Variants in MARCHF1 observed in about 807,000 individuals in gnomAD.
MARCHF1 encodes the protein E3 ubiquitin-protein ligase MARCHF1.
A neutral mutation model predicts 54.2 loss-of-function variants in MARCHF1; 40 were observed. The ratio of observed to expected loss-of-function variants is 0.74; its 90% CI spans 0.57 to 0.96. The LOEUF is 0.96. Among genes scored for constraint, MARCHF1 ranks in the 40% least tolerant of loss-of-function variants. The probability of loss-of-function intolerance (pLI) is 0.00; values close to 1 mark genes in which losing one functional copy is unlikely to be tolerated. For missense variants in MARCHF1, 586 were observed against 656.5 expected, an observed-to-expected ratio of 0.89 and a Z score of 1.17; for synonymous variants, 236 against 236.3, an observed-to-expected ratio of 1.00 and a Z score of 0.01.
intron 1 of MARCHF1, among the ~76,000 whole-genome samples, chr4:164,337,120 G>C (rs759106545): frequency 1.3e-5 from 2 of 152,120 alleles, no homozygotes; most frequent in African/African-American, 2.4e-5. Context: ...TGGAGTACTT[G>C]ATACTGAATA....
At chr4:164,086,933 T>G (rs1010270944) in intron 2 of MARCHF1, among the ~76,000 whole-genome samples, 4 of 152,078 alleles carry the variant, frequency 2.6e-5, no homozygotes, top group Non-Finnish European at 5.9e-5. Flanking sequence ...AAAACTAACC[T>G]TAAAAACACC....
At chr4:164,273,364 G>A (rs1733790571) in intron 1 of MARCHF1, among the ~76,000 whole-genome samples, 1 of 152,140 alleles carries the variant, frequency 6.6e-6, no homozygotes, top group African/African-American at 2.4e-5. Context: ...CTGCCCCCAT[G>A]ATTCAATTAC....
intron 1 of MARCHF1, among the ~76,000 whole-genome samples, chr4:164,266,760 A>G (rs1733621203): frequency 6.6e-6 from 1 of 152,188 alleles, no homozygotes; most frequent in Non-Finnish European, 1.5e-5. Context: ...AATCTTGAGA[A>G]TGTTTTTTGA....
intron 1 of MARCHF1, among the ~76,000 whole-genome samples, chr4:164,368,014 A>G (rs1730926305): frequency 6.7e-6 from 1 of 149,984 alleles, no homozygotes; most frequent in Admixed American, 6.7e-5. Flanking sequence ...AAAAATGTTA[A>G]TGAGCTAAGA....
chr4:164,339,315 A>C (rs1729848193), intron 1 of MARCHF1, among the ~76,000 whole-genome samples: 1 of 152,222 alleles, frequency 6.6e-6, no homozygotes, highest in African/African-American at 2.4e-5. Context: ...AAGACAGATA[A>C]TATATGTTGG....
chr4:164,077,803 G>C (rs555591543), intron 2 of MARCHF1, among the ~76,000 whole-genome samples: 28 of 152,330 alleles, frequency 1.8e-4, no homozygotes, highest in Non-Finnish European at 3.5e-4. Context: ...CTGGTCATTA[G>C]AGAAATGCAA....
At chr4:164,335,618 C>T (rs1195363800) in intron 1 of MARCHF1, among the ~76,000 whole-genome samples, 3 of 151,844 alleles carry the variant, frequency 2.0e-5, no homozygotes, top group South Asian at 2.1e-4. Context: ...GCTTCAGCCA[C>T]TCCAACTTTC....
intron 3 of MARCHF1, among the ~76,000 whole-genome samples, chr4:163,930,140 G>A (rs1751639043): frequency 6.7e-6 from 1 of 150,326 alleles, no homozygotes; most frequent in Non-Finnish European, 1.5e-5. Context: ...AATTTAACAT[G>A]GGGTATTTTT....
chr4:163,920,799 C>T (rs1751413490), intron 3 of MARCHF1, among the ~76,000 whole-genome samples: 2 of 152,030 alleles, frequency 1.3e-5, no homozygotes, highest in African/African-American at 2.4e-5. Flanking sequence ...AATCTTTTTG[C>T]TAAAATAAAT....
intron 3 of MARCHF1, among the ~76,000 whole-genome samples, chr4:163,883,228 T>C (rs1750455278): frequency 7.6e-6 from 1 of 132,386 alleles, no homozygotes; most frequent in Non-Finnish European, 1.6e-5. Context: ...GATATATATA[T>C]ATGTGTATAT....
At chr4:163,955,447 A>T (rs1228062467) in intron 3 of MARCHF1, among the ~76,000 whole-genome samples, 1 of 150,966 alleles carries the variant, frequency 6.6e-6, no homozygotes, top group Non-Finnish European at 1.5e-5. Context: ...CAGAACACAC[A>T]GGCTTTCAGA....
intron 1 of MARCHF1, among the ~76,000 whole-genome samples, chr4:164,198,066 G>T (rs1050516892): frequency 7.2e-5 from 11 of 152,084 alleles, no homozygotes; most frequent in Non-Finnish European, 1.5e-4. Context: ...TTAGAGACCT[G>T]ACACGGGATA....
intron 1 of MARCHF1, among the ~76,000 whole-genome samples, chr4:164,172,583 A>G (rs1730555142): frequency 6.6e-6 from 1 of 152,222 alleles, no homozygotes; most frequent in Non-Finnish European, 1.5e-5. Context: ...AAGGATAAAA[A>G]TCAAGGTAAA....
At chr4:163,733,846 C>T (rs1745953484) in intron 4 of MARCHF1, among the ~76,000 whole-genome samples, 1 of 152,038 alleles carries the variant, frequency 6.6e-6, no homozygotes, top group Non-Finnish European at 1.5e-5. Context: ...AAGAACTGAT[C>T]TTCAAATGAC....
At chr4:163,754,384 G>A (rs959082400) in intron 4 of MARCHF1, among the ~76,000 whole-genome samples, 1 of 152,072 alleles carries the variant, frequency 6.6e-6, no homozygotes, top group African/African-American at 2.4e-5. Flanking sequence ...AGCTATTACT[G>A]GAAGATAATA....
intron 2 of MARCHF1, among the ~76,000 whole-genome samples, chr4:164,030,489 T>C (rs1322610644): frequency 6.6e-6 from 1 of 152,204 alleles, no homozygotes; most frequent in Non-Finnish European, 1.5e-5. Context: ...ATCAAACTCA[T>C]TGTTCATATG....
chr4:163,632,358 CCAGA>C (rs1742123138), intron 5 of MARCHF1, among the ~76,000 whole-genome samples: 1 of 152,166 alleles, frequency 6.6e-6, no homozygotes, highest in South Asian at 2.1e-4. Context: ...CTAGGTAGTG[CCAGA>C]CAGTGGGCGC....
chr4:164,273,173 A>G (rs1437321169), intron 1 of MARCHF1, among the ~76,000 whole-genome samples: 1 of 152,044 alleles, frequency 6.6e-6, no homozygotes, highest in Non-Finnish European at 1.5e-5. Flanking sequence ...ATTGGCTCAC[A>G]GTTCAGTACA....
At chr4:163,842,792 ATTTG>A (rs1407010349) in intron 4 of MARCHF1, among the ~76,000 whole-genome samples, 1 of 152,162 alleles carries the variant, frequency 6.6e-6, no homozygotes, top group East Asian at 1.9e-4. Context: ...TTCCCAAAGA[ATTTG>A]TTTGACACAT....
Sources: allele counts gnomAD v4.1 joint callset (sites outside exome capture counted in the v4.1 genomes callset), GRCh38; gene constraint gnomAD v4.1.1; transcripts MANE v1.5; gene names NCBI Gene and HGNC (gene_info 2026-07-23, HGNC 2026-07-21).